Variants in DCC observed in about 807,000 individuals in gnomAD.
DCC encodes the protein netrin receptor DCC.
In DCC, 58 loss-of-function variants were observed where a neutral mutation model predicts 172.5. The observed-to-expected ratio is 0.34, with a 90% CI of 0.27 to 0.42. The LOEUF is 0.42. Among genes scored for constraint, DCC ranks in the 10% least tolerant of loss-of-function variants. DCC has a pLI of 1.00. For synonymous variants in DCC, 709 were observed against 644.5 expected (o/e 1.10, Z -1.52); for missense variants, 1,740 against 1,791.0 (o/e 0.97, Z 0.51).
chr18:53,023,431 A>G (rs1555697359), intron 5 of DCC, among the ~76,000 whole-genome samples: 7 of 111,044 alleles, frequency 6.3e-5, no homozygotes, highest in Non-Finnish European at 1.3e-4. Flanking sequence ...AAAAAAAAAG[A>G]TTCTTCTTAT....
intron 2 of DCC, among the ~76,000 whole-genome samples, chr18:52,814,215 G>GC (rs1433793920): frequency 6.6e-6 from 1 of 152,218 alleles, no homozygotes; most frequent in African/African-American, 2.4e-5. Context: ...TGTGAGTCAA[G>GC]CACAAGGTCA....
chr18:53,094,480 T>C (rs1219660368), intron 7 of DCC, among the ~76,000 whole-genome samples: 4 of 152,202 alleles, frequency 2.6e-5, no homozygotes, highest in Admixed American at 6.5e-5. Flanking sequence ...TTTCATATTG[T>C]TTTTTGACAA....
chr18:52,588,396 A>C (rs1404835129), intron 1 of DCC, among the ~76,000 whole-genome samples: 1 of 152,198 alleles, frequency 6.6e-6, no homozygotes, highest in Non-Finnish European at 1.5e-5. Context: ...CTTTCAGGTC[A>C]CTTGATAAAT....
At chr18:52,903,876 A>G (rs1273953092) in intron 2 of DCC, among the ~76,000 whole-genome samples, 1 of 152,234 alleles carries the variant, frequency 6.6e-6, no homozygotes, top group Non-Finnish European at 1.5e-5. Flanking sequence ...TAGTAGATTA[A>G]CGTACTTCTT....
intron 3 of DCC, among the ~76,000 whole-genome samples, chr18:52,920,513 A>G (rs2040107369): frequency 6.6e-6 from 1 of 152,012 alleles, no homozygotes; most frequent in African/African-American, 2.4e-5. Context: ...GTGTATTAGA[A>G]TGGCTAAAAT....
At chr18:52,933,123 G>A (rs1372534172) in intron 5 of DCC, among the ~76,000 whole-genome samples, 1 of 152,038 alleles carries the variant, frequency 6.6e-6, no homozygotes, top group East Asian at 1.9e-4. Flanking sequence ...GAAACATATG[G>A]CTGGATATAC....
At chr18:53,085,841 T>G (rs569455487) in intron 7 of DCC, among the ~76,000 whole-genome samples, 77 of 151,772 alleles carry the variant, frequency 5.1e-4, no homozygotes, top group Admixed American at 2.3e-3. Context: ...ATTCAGTTAT[T>G]ATGGTCTCAG....
At chr18:52,938,944 G>A (rs780913792) in intron 5 of DCC, among the ~76,000 whole-genome samples, 10 of 151,252 alleles carry the variant, frequency 6.6e-5, no homozygotes, top group Non-Finnish European at 1.0e-4. Flanking sequence ...TTCCATTCTT[G>A]CCTTTCTATA....
intron 23 of DCC, among the ~76,000 whole-genome samples, chr18:53,456,483 C>A (rs1292838961): frequency 6.6e-6 from 1 of 152,040 alleles, no homozygotes; most frequent in East Asian, 1.9e-4. Flanking sequence ...GCAGAGGGGC[C>A]AAACATGAAA....
intron 5 of DCC, among the ~76,000 whole-genome samples, chr18:53,010,501 A>G (rs945963289): frequency 1.3e-5 from 2 of 151,624 alleles, no homozygotes; most frequent in Admixed American, 1.3e-4. Flanking sequence ...CATGTTAACA[A>G]CGTTCAAAGT....
chr18:52,378,973 C>A (rs1210641016), intron 1 of DCC, among the ~76,000 whole-genome samples: 30 of 152,068 alleles, frequency 2.0e-4, no homozygotes. Context: ...TGTGTACGTG[C>A]CCTTGTTGTA....
At chr18:53,312,994 G>GA (rs2057296379) in intron 13 of DCC, among the ~76,000 whole-genome samples, 2 of 131,342 alleles carry the variant, frequency 1.5e-5, no homozygotes, top group Admixed American at 7.6e-5. Context: ...AGGGAGGGAG[G>GA]AGGGAGGAAG....
chr18:52,511,077 C>T (rs1403558385), intron 1 of DCC, among the ~76,000 whole-genome samples: 7 of 151,876 alleles, frequency 4.6e-5, no homozygotes, highest in African/African-American at 1.7e-4. Flanking sequence ...ATCAGGAGAT[C>T]GAAACTATCC....
At chr18:52,362,207 G>A (rs1357472128) in intron 1 of DCC, among the ~76,000 whole-genome samples, 2 of 152,198 alleles carry the variant, frequency 1.3e-5, no homozygotes, top group Non-Finnish European at 2.9e-5. Flanking sequence ...CCAGACATCT[G>A]GCCATTCCCA....
At chr18:52,577,430 T>C (rs985493131) in intron 1 of DCC, among the ~76,000 whole-genome samples, 8 of 152,174 alleles carry the variant, frequency 5.3e-5, no homozygotes, top group African/African-American at 1.4e-4. Flanking sequence ...TTTTAAAAAA[T>C]GAAATAAAAT....
Position 52,680,087 on chromosome 18 carries a change from T to C in DCC, c.92-71967T>C, listed in dbSNP as rs552705476. ...GCATCACATCAGGCTTAGAGAGGCGTAGATTCATTCATAAAACATTTTCTG... is the reference window on the plus strand; with the variant it reads ...GCATCACATCAGGCTTAGAGAGGCGCAGATTCATTCATAAAACATTTTCTG... On this transcript the variant is annotated intron_variant, in intron 1 of 28. Coordinates refer to ENST00000442544, the MANE Select transcript of DCC (RefSeq NM_005215.4). 2.0e-5 allele frequency among the ~76,000 whole-genome samples: 3 copies of C among 152,238 alleles called. No homozygotes were observed. The East Asian group carries it at 5.8e-4, about 29-fold the overall frequency.
intron 12 of DCC, among the ~76,000 whole-genome samples, chr18:53,223,995 A>C (rs2055983182): frequency 6.6e-6 from 1 of 152,198 alleles, no homozygotes; most frequent in Non-Finnish European, 1.5e-5. Flanking sequence ...ACTAATTCTG[A>C]AATACCAATT....
intron 7 of DCC, among the ~76,000 whole-genome samples, chr18:53,076,495 C>G (rs973001436): frequency 1.3e-5 from 2 of 152,138 alleles, no homozygotes; most frequent in African/African-American, 4.8e-5. Context: ...TTGGCTGTAT[C>G]AAGTCAGCAG....
intron 5 of DCC, among the ~76,000 whole-genome samples, chr18:52,937,730 T>G (rs1398640387): frequency 6.6e-6 from 1 of 152,048 alleles, no homozygotes; most frequent in African/African-American, 2.4e-5. Context: ...TCAGTAATCC[T>G]CAGCCAGGAC....
Sources: allele counts gnomAD v4.1 joint callset (sites outside exome capture counted in the v4.1 genomes callset), GRCh38; gene constraint gnomAD v4.1.1; transcripts MANE v1.5; gene names NCBI Gene and HGNC (gene_info 2026-07-23, HGNC 2026-07-21).